CDC14A: variants seen among roughly 807,000 people sequenced by gnomAD.
The protein encoded by CDC14A is cell division cycle 14A, also known as dual specificity protein phosphatase CDC14A.
Under a neutral mutation model 74.4 loss-of-function variants are expected in CDC14A, and 53 were observed. That is an observed-to-expected ratio of 0.71 (90% CI 0.57 to 0.89). The LOEUF is 0.89. CDC14A is among the 40% of genes least tolerant of loss of function. The probability of loss-of-function intolerance (pLI) is 0.00; values close to 1 mark genes in which losing one functional copy is unlikely to be tolerated. For synonymous variants in CDC14A, 247 were observed against 258.4 expected, an observed-to-expected ratio of 0.96 and a Z score of 0.43; for missense variants, 646 against 713.7, an observed-to-expected ratio of 0.91 and a Z score of 1.08.
chr1:100,353,784 A>T lies in CDC14A; in HGVS notation c.72A>T (p.Leu24Phe), dbSNP rs764013169. ...CAGATCGGTTATATTTTGCTACTTTAAGGAATAGACCAAAAAGCACAGTAA... is the reference window on the plus strand; with the variant it reads ...CAGATCGGTTATATTTTGCTACTTTTAGGAATAGACCAAAAAGCACAGTAA... The part of the protein sequence containing the change: ...FMKDRLYFAT[L>F]RNRPKSTVNT... The change falls in exon 2 of 16, where the codon TTA becomes TTT. Residue 24 changes from leucine to phenylalanine, a missense_variant. Physicochemically the swap from Leu to Phe is conservative, Grantham distance 22. Coordinates refer to ENST00000336454, the MANE Select transcript of CDC14A (RefSeq NM_003672.4). 19 of 1,602,174 alleles carry T rather than the reference A, an allele frequency of 1.2e-5. No individual in the cohort carries two copies. In the South Asian group the frequency reaches 1.9e-4, roughly 16 times the overall value.
At chr1:100,460,636 G>C (rs1234219225) in intron 8 of CDC14A, among the ~76,000 whole-genome samples, 2 of 152,198 alleles carry the variant, frequency 1.3e-5, no homozygotes, top group African/African-American at 4.8e-5. Context: ...GAAATAATTT[G>C]AGCAAGTAAA....
intron 4 of CDC14A, among the ~76,000 whole-genome samples, chr1:100,398,143 G>T (rs1658790802): frequency 6.6e-6 from 1 of 152,146 alleles, no homozygotes. Flanking sequence ...TTGCGGTGAG[G>T]ACTGAAGGAG....
At chr1:100,367,651 G>A (rs1653826665) in intron 2 of CDC14A, among the ~76,000 whole-genome samples, 1 of 152,136 alleles carries the variant, frequency 6.6e-6, no homozygotes, top group African/African-American at 2.4e-5. Flanking sequence ...TGACAATTCT[G>A]ACTTTTGAAG....
chr1:100,414,947 A>G (rs1661340680), intron 4 of CDC14A, among the ~76,000 whole-genome samples: 1 of 152,102 alleles, frequency 6.6e-6, no homozygotes, highest in South Asian at 2.1e-4. Context: ...GGGTTGGACT[A>G]GTTTACTGTC....
At chr1:100,372,843 T>C (rs147117559) in intron 2 of CDC14A, among the ~76,000 whole-genome samples, 70 of 152,334 alleles carry the variant, frequency 4.6e-4, no homozygotes, top group African/African-American at 1.5e-3. Context: ...TCCTCACCTC[T>C]CTTAACCTTC....
chr1:100,401,850 C>A (rs1279875102), intron 4 of CDC14A, among the ~76,000 whole-genome samples: 1 of 151,958 alleles, frequency 6.6e-6, no homozygotes, highest in Non-Finnish European at 1.5e-5. Context: ...ACCAGCCTGA[C>A]CAACAGGGAG....
Position 100,462,734 on chromosome 1 carries a change from AT to A in CDC14A, c.694del (p.Tyr232MetfsTer19), listed in dbSNP as rs1309255666. ...TGCAGTTGTGAGGCTAAACAAAAAGATTTATGAGGCAAAGCGCTTCACAGAC... is the reference window on the plus strand; with the variant it reads ...TGCAGTTGTGAGGCTAAACAAAAAGATTATGAGGCAAAGCGCTTCACAGAC... Reference protein sequence around the residue: ...VTAVVRLNKKIYEAKRFTDAG... With the variant: ...VTAVVRLNKKXYEAKRFTDAG... On this transcript the variant is annotated frameshift_variant, in exon 9 of 16. Transcript: ENST00000336454. LOFTEE classifies it high-confidence loss of function. 3 of 1,614,160 alleles carry A rather than the reference AT, an allele frequency of 1.9e-6. No individual in the cohort carries two copies. The Admixed American group carries it at 5.0e-5, about 27-fold the overall frequency.
chr1:100,378,442 C>G (rs1464458919), intron 3 of CDC14A, among the ~76,000 whole-genome samples: 2 of 152,122 alleles, frequency 1.3e-5, no homozygotes, highest in African/African-American at 4.8e-5. Flanking sequence ...GTATTTTGCT[C>G]TTTCTGCTGG....
At chr1:100,379,385 A>G (rs1375668540) in intron 3 of CDC14A, among the ~76,000 whole-genome samples, 1 of 152,226 alleles carries the variant, frequency 6.6e-6, no homozygotes, top group Non-Finnish European at 1.5e-5. Flanking sequence ...GTTGTCTGGA[A>G]TGACATATGT....
At chr1:100,370,710 T>C (rs1306554286) in intron 2 of CDC14A, among the ~76,000 whole-genome samples, 2 of 152,238 alleles carry the variant, frequency 1.3e-5, no homozygotes, top group African/African-American at 4.8e-5. Flanking sequence ...TTGGTTATTA[T>C]AGCCTTAGAG....
intron 4 of CDC14A, among the ~76,000 whole-genome samples, chr1:100,413,011 C>G (rs1350957715): frequency 6.6e-6 from 1 of 150,952 alleles, no homozygotes; most frequent in Admixed American, 6.6e-5. Context: ...GAGCTGAGAT[C>G]GTGCCACTGC....
chr1:100,518,344 G>A lies in CDC14A; in HGVS notation c.*64G>A. ...CACAATTTCTTCATCTGGACGAGCA[G>A]TGGAGAGGGAAAGCAACTTCTTGCT... On this transcript the variant is annotated 3_prime_UTR_variant, in exon 16 of 16. Transcript: ENST00000336454. 3 of 1,369,324 alleles carry A rather than the reference G, an allele frequency of 2.2e-6. No individual in the cohort carries two copies. Among genetic ancestry groups the A allele is most frequent in the Non-Finnish European group, 3.1e-6 (3 of 959,548 alleles). The allele number at this position is 1,369,324 out of a possible 1,614,324, so 84.8% of individuals were successfully genotyped here.
intron 15 of CDC14A, among the ~76,000 whole-genome samples, chr1:100,516,285 TGC>T (rs1278451814): frequency 1.2e-4 from 18 of 152,202 alleles, no homozygotes. Flanking sequence ...TATAAATATA[TGC>T]ACACACACAT....
intron 11 of CDC14A, among the ~76,000 whole-genome samples, chr1:100,489,506 A>G (rs1472012659): frequency 1.3e-5 from 2 of 151,668 alleles, no homozygotes; most frequent in African/African-American, 2.4e-5. Flanking sequence ...ACGATTGTGC[A>G]TAGAGAAAAC....
At chr1:100,435,170 G>A (rs933494098) in intron 5 of CDC14A, among the ~76,000 whole-genome samples, 7 of 152,162 alleles carry the variant, frequency 4.6e-5, no homozygotes, top group Non-Finnish European at 8.8e-5. Context: ...GTTGAACCTT[G>A]AGAAGGTTTG....
intron 5 of CDC14A, among the ~76,000 whole-genome samples, chr1:100,431,290 C>T (rs949661936): frequency 1.3e-5 from 2 of 151,700 alleles, no homozygotes; most frequent in African/African-American, 2.4e-5. Context: ...AAAATTCGCT[C>T]AGACTACTTT....
intron 15 of CDC14A, among the ~76,000 whole-genome samples, chr1:100,515,899 T>C (rs1032102398): frequency 6.6e-6 from 1 of 152,236 alleles, no homozygotes; most frequent in African/African-American, 2.4e-5. Flanking sequence ...ATACAACTTA[T>C]GTTCAGTAAT....
intron 10 of CDC14A, among the ~76,000 whole-genome samples, chr1:100,481,798 G>C (rs147407617): frequency 2.0e-5 from 3 of 152,326 alleles, no homozygotes; most frequent in African/African-American, 7.2e-5. Flanking sequence ...TATTCTTGGA[G>C]AATGTACTTT....
intron 10 of CDC14A, 28 bp from the exon 11 acceptor site, chr1:100,484,264 G>A (rs762455101): frequency 1.4e-4 from 192 of 1,360,782 alleles, no homozygotes; most frequent in Middle Eastern, 5.7e-4. Flanking sequence ...TTTTCTTGTC[G>A]TTTTGTTTTG....
Sources: gnomAD v4.1 joint callset for allele counts (sites outside exome capture counted in the v4.1 genomes callset) on GRCh38, gnomAD v4.1.1 for gene constraint, MANE v1.5 for transcripts, NCBI Gene and HGNC (gene_info 2026-07-23, HGNC 2026-07-21) for gene names.